Variants in TICRR observed in about 807,000 individuals in gnomAD.
The protein encoded by TICRR is treslin.
Under a neutral mutation model 178.1 loss-of-function variants are expected in TICRR, and 132 were observed. The observed-to-expected ratio is 0.74, with a 90% CI of 0.64 to 0.86. The LOEUF (loss-of-function observed/expected upper bound fraction) is 0.86. Among genes scored for constraint, TICRR ranks in the 40% least tolerant of loss-of-function variants. TICRR has a pLI of 0.00. For missense variants in TICRR, 2,587 were observed against 2,334.3 expected (o/e 1.11, Z -2.23); for synonymous variants, 991 against 900.7 (o/e 1.10, Z -1.79).
intron 16 of TICRR, 73 bp downstream of exon 16, chr15:89,616,568 C>T (rs182827322): frequency 4.1e-4 from 491 of 1,211,246 alleles, no homozygotes; most frequent in Non-Finnish European, 5.3e-4. Context: ...GCCACTACTT[C>T]GCTTCTCTTG....
intron 2 of TICRR, 146 bp downstream of exon 2, chr15:89,583,111 C>A: frequency 1.1e-6 from 1 of 878,682 alleles, no homozygotes; most frequent in Non-Finnish European, 1.7e-6. Context: ...GACATCAAGG[C>A]AAAATCAGAG....
At chr15:89,605,089 C>T (rs578072871) in intron 13 of TICRR, among the ~76,000 whole-genome samples, 1 of 152,226 alleles carries the variant, frequency 6.6e-6, no homozygotes, top group Admixed American at 6.5e-5. Context: ...AGGACATACT[C>T]TCCTAGTTTT....
In TICRR at chr15:89,619,816, T is replaced by C. The variant is rs1963395179; in HGVS notation, c.3128T>C (p.Val1043Ala). The C allele has an allele frequency of 6.2e-7, 1 of 1,612,294 alleles. No individual in the cohort carries two copies. Among genetic ancestry groups the C allele is most frequent in the Non-Finnish European group, 8.5e-7 (1 of 1,179,504 alleles). ...SQPKSRSVQR[V>A]HSFQQDKSDQ... ...CCGAAGTCTCGAAGTGTGCAAAGAG[T>C]CCACTCTTTCCAGCAAGATAAGTCA... The change falls in exon 18 of 22, where the codon GTC becomes GCC. Residue 1043 changes from valine (V) to alanine (A), a missense_variant. By Grantham distance (64) the Val-to-Ala change is moderately conservative. Transcript: ENST00000268138.
chr15:89,583,014 A>G (rs999402323), intron 2 of TICRR, 49 bp downstream of exon 2: 1 of 1,519,684 alleles, frequency 6.6e-7, no homozygotes, highest in Non-Finnish European at 8.8e-7. Context: ...TCTCAGTTAC[A>G]TTAATTTCTT....
chr15:89,623,606 A>T lies in TICRR; in HGVS notation c.3313-17A>T. ...GTTATAATATTCAAGGACTGAAATAAGCATTTCTCTTTTCAGACTCCCAAG... is the reference window on the plus strand; with the variant it reads ...GTTATAATATTCAAGGACTGAAATATGCATTTCTCTTTTCAGACTCCCAAG... On this transcript the variant is annotated splice_polypyrimidine_tract_variant and intron_variant, in intron 19 of 21. Coordinates refer to ENST00000268138, the MANE Select transcript of TICRR (RefSeq NM_152259.4). The T allele has an allele frequency of 6.3e-7, 1 of 1,588,040 alleles. No homozygotes were observed. Among genetic ancestry groups the T allele is most frequent in the Non-Finnish European group, 8.5e-7 (1 of 1,169,924 alleles).
At chr15:89,599,593 G>C (rs1963059447) in intron 8 of TICRR, 118 bp downstream of exon 8, 1 of 966,234 alleles carries the variant, frequency 1.0e-6, no homozygotes, top group Non-Finnish European at 1.5e-6. Flanking sequence ...TTCAAAAATG[G>C]TAAGATAAGT....
At position 89,576,009 on chromosome 15, in the gene TICRR, G is replaced by T; in HGVS notation, c.423G>T (p.Lys141Asn). 2 of 1,608,456 alleles carry T rather than the reference G, an allele frequency of 1.2e-6. No homozygotes were observed. The highest frequency in any genetic ancestry group is 1.7e-6 in the Non-Finnish European group (2 of 1,178,368). Residue 141 changes from lysine to asparagine, a missense_variant, in exon 1 of 22, where the codon AAG (lysine) becomes AAT (asparagine). Coordinates refer to ENST00000268138, the MANE Select transcript of TICRR (RefSeq NM_152259.4). ...TGCTGGACGTGGAGAGCGAGGCCAA[G>T]GAGGCCGAGGCCGCGCTCGGGGGCT... ...RRLLDVESEA[K>N]EAEAALGGLV...
intron 18 of TICRR, 67 bp downstream of exon 18, chr15:89,619,909 G>T (rs1778016368): frequency 6.5e-7 from 1 of 1,532,916 alleles, no homozygotes; most frequent in Non-Finnish European, 8.8e-7. Flanking sequence ...TTTGGGAAAA[G>T]AAGCAAGAAA....
intron 4 of TICRR, among the ~76,000 whole-genome samples, chr15:89,590,144 A>G (rs1962886477): frequency 6.6e-6 from 1 of 152,144 alleles, no homozygotes; most frequent in African/African-American, 2.4e-5. Flanking sequence ...TATCATAAGC[A>G]CTTTCAAGAA....
At chr15:89,621,899 T>C (rs1046664736) in intron 19 of TICRR, among the ~76,000 whole-genome samples, 1 of 151,640 alleles carries the variant, frequency 6.6e-6, no homozygotes, top group Admixed American at 6.6e-5. Context: ...TCACCAACAT[T>C]AGAAACCTGG....
At chr15:89,613,767 A>ATATTCTCT (rs1397597908) in intron 15 of TICRR, among the ~76,000 whole-genome samples, 3 of 63,138 alleles carry the variant, frequency 4.8e-5, no homozygotes, top group Non-Finnish European at 8.5e-5. Context: ...CCGTCTGTTG[A>ATATTCTCT]TATTCTCTGT....
chr15:89,584,113 G>A lies in TICRR; in HGVS notation c.935-173G>A, dbSNP rs1007706569. 9.2e-5 allele frequency among the ~76,000 whole-genome samples: 14 copies of A among 152,278 alleles called. No homozygotes were observed. The South Asian group carries it at 2.9e-3, about 32-fold the overall frequency. ...TAAATGAACTTGCTATGATGACTTG[G>A]CAGTAGAATAAGTGTTGAAGTGTTC... On this transcript the variant is annotated intron_variant, in intron 2 of 21. Transcript: ENST00000268138.
At chr15:89,615,007 A>G (rs938847884) in intron 15 of TICRR, among the ~76,000 whole-genome samples, 2 of 152,214 alleles carry the variant, frequency 1.3e-5, no homozygotes, top group African/African-American at 4.8e-5. Flanking sequence ...GCACATGCAC[A>G]GTGCTACACG....
At chr15:89,611,162 T>C (rs1031192671) in intron 15 of TICRR, among the ~76,000 whole-genome samples, 7 of 152,214 alleles carry the variant, frequency 4.6e-5, no homozygotes, top group African/African-American at 1.4e-4. Context: ...TCTACTACCT[T>C]TCATTTTAGC....
chr15:89,598,461 C>G (rs1963037477), intron 7 of TICRR, among the ~76,000 whole-genome samples: 1 of 152,022 alleles, frequency 6.6e-6, no homozygotes, highest in African/African-American at 2.4e-5. Context: ...CTCCCAGGTT[C>G]AAGTGATTCT....
Position 89,606,800 on chromosome 15 carries a change from C to G in TICRR, c.2697C>G (p.Ser899=), listed in dbSNP as rs760898164. ...ENSHPAPQQP[S]QPVKDTVQEV... ...CTCACCCTGCTCCTCAGCAGCCTTC[C>G]CAGCCAGTGAAAGATACAGTGCAAG... Residue 899 remains serine, a synonymous_variant, in exon 14 of 22, where the codon TCC becomes TCG. Coordinates refer to ENST00000268138, the MANE Select transcript of TICRR (RefSeq NM_152259.4). 1.3e-5 allele frequency: 21 copies of G among 1,613,736 alleles called. No individual in the cohort carries two copies. Among genetic ancestry groups the G allele is most frequent in the Non-Finnish European group, 1.8e-5 (21 of 1,179,840 alleles).
chr15:89,576,860 T>TATATATACAC (rs1555419112), intron 1 of TICRR, among the ~76,000 whole-genome samples: 4 of 128,618 alleles, frequency 3.1e-5, no homozygotes, highest in African/African-American at 1.2e-4. Flanking sequence ...TATATATATA[T>TATATATACAC]ACACACACAC....
chr15:89,610,031 A>G, intron 15 of TICRR, among the ~76,000 whole-genome samples: 1 of 152,130 alleles, frequency 6.6e-6, no homozygotes, highest in East Asian at 1.9e-4. Context: ...TAATTTCCAC[A>G]TATATGTATT....
chr15:89,597,770 C>T (rs1370680481), intron 7 of TICRR, among the ~76,000 whole-genome samples: 1 of 152,120 alleles, frequency 6.6e-6, no homozygotes, highest in Non-Finnish European at 1.5e-5. Flanking sequence ...TGTCAATATG[C>T]AGAAAATAAC....
Sources: gnomAD v4.1 joint callset for allele counts (sites outside exome capture counted in the v4.1 genomes callset) on GRCh38, gnomAD v4.1.1 for gene constraint, MANE v1.5 for transcripts, NCBI Gene and HGNC (gene_info 2026-07-23, HGNC 2026-07-21) for gene names.